CRPPA: variants seen among roughly 807,000 people sequenced by gnomAD.
CRPPA encodes CDP-L-ribitol pyrophosphorylase A, also known as D-ribitol-5-phosphate cytidylyltransferase.
A neutral mutation model predicts 52.0 loss-of-function variants in CRPPA; 43 were observed. That is an observed-to-expected ratio of 0.83 (90% CI 0.65 to 1.07). The LOEUF (loss-of-function observed/expected upper bound fraction) is 1.07, where lower values mean the gene tolerates loss of function less well. Ranked by LOEUF, CRPPA falls within the 50% of genes least tolerant of loss-of-function variation. The pLI is 0.00. For synonymous variants in CRPPA, 250 were observed against 203.5 expected, an observed-to-expected ratio of 1.23 and a Z score of -1.94; for missense variants, 629 against 551.7, an observed-to-expected ratio of 1.14 and a Z score of -1.40.
At chr7:16,266,736 C>A (rs1783964914) in intron 6 of CRPPA, among the ~76,000 whole-genome samples, 1 of 152,162 alleles carries the variant, frequency 6.6e-6, no homozygotes, top group Admixed American at 6.5e-5. Context: ...GCCTCGGCCT[C>A]CTAAAGTGCT....
chr7:16,393,347 A>C lies in CRPPA; in HGVS notation c.534+12714T>G, dbSNP rs1308303073. On this transcript the variant is annotated intron_variant, in intron 2 of 9. Coordinates refer to ENST00000407010, the MANE Select transcript of CRPPA (RefSeq NM_001101426.4). ...AGGGACTTGATCTAGCAGTATGAAAAGTTATTAGAGAGCTGTCTCAATAGT... is the reference window on the plus strand; with the variant it reads ...AGGGACTTGATCTAGCAGTATGAAACGTTATTAGAGAGCTGTCTCAATAGT... Among the ~76,000 whole-genome samples, 3 of 152,164 alleles carry C rather than the reference A, an allele frequency of 2.0e-5. No individual in the cohort carries two copies. The East Asian group carries it at 5.8e-4, about 29-fold the overall frequency.
At chr7:16,196,339 G>A (rs1273044639) in intron 9 of CRPPA, among the ~76,000 whole-genome samples, 2 of 152,050 alleles carry the variant, frequency 1.3e-5, no homozygotes, top group Non-Finnish European at 2.9e-5. Flanking sequence ...GTTTCTATAA[G>A]AGTTTATACA....
At chr7:16,122,586 A>G (rs1782499997) in intron 9 of CRPPA, among the ~76,000 whole-genome samples, 1 of 152,094 alleles carries the variant, frequency 6.6e-6, no homozygotes, top group Non-Finnish European at 1.5e-5. Flanking sequence ...ACTTGAACTG[A>G]GAAACCTATC....
chr7:16,371,861 G>GA (rs1786757603), intron 3 of CRPPA, among the ~76,000 whole-genome samples: 1 of 151,994 alleles, frequency 6.6e-6, no homozygotes, highest in South Asian at 2.1e-4. Context: ...ATATCATAAT[G>GA]AAAAAACAAT....
intron 8 of CRPPA, among the ~76,000 whole-genome samples, chr7:16,249,319 T>C (rs750059843): frequency 6.6e-6 from 1 of 152,034 alleles, no homozygotes; most frequent in Non-Finnish European, 1.5e-5. Flanking sequence ...AACTTAAACG[T>C]CCCCGCCTGA....
intron 2 of CRPPA, among the ~76,000 whole-genome samples, chr7:16,397,999 G>C (rs964598967): frequency 6.6e-6 from 1 of 152,220 alleles, no homozygotes; most frequent in Admixed American, 6.5e-5. Flanking sequence ...TAACCAACAT[G>C]TGACTGATGT....
At chr7:16,169,272 T>C (rs950028440) in intron 9 of CRPPA, among the ~76,000 whole-genome samples, 1 of 152,168 alleles carries the variant, frequency 6.6e-6, no homozygotes, top group Non-Finnish European at 1.5e-5. Flanking sequence ...AAAGTACATG[T>C]ACTACACTAA....
At chr7:16,153,756 T>C (rs1783121623) in intron 9 of CRPPA, among the ~76,000 whole-genome samples, 1 of 152,108 alleles carries the variant, frequency 6.6e-6, no homozygotes, top group African/African-American at 2.4e-5. Flanking sequence ...AGAAGGAAAC[T>C]AAACCTCTGT....
chr7:16,377,575 A>G (rs1264755371), intron 2 of CRPPA, among the ~76,000 whole-genome samples: 1 of 152,228 alleles, frequency 6.6e-6, no homozygotes, highest in Non-Finnish European at 1.5e-5. Flanking sequence ...GAACCATTAA[A>G]AGCCTCTGAA....
intron 9 of CRPPA, among the ~76,000 whole-genome samples, chr7:16,100,480 G>T (rs1218618156): frequency 6.6e-6 from 1 of 152,152 alleles, no homozygotes; most frequent in Admixed American, 6.6e-5. Context: ...AGAATAATTG[G>T]CTAATTAACT....
chr7:16,414,286 T>C (rs1426178511), intron 1 of CRPPA, among the ~76,000 whole-genome samples: 1 of 151,146 alleles, frequency 6.6e-6, no homozygotes, highest in Non-Finnish European at 1.5e-5. Context: ...TCTTAATCCC[T>C]TTTGCTGTAG....
At chr7:16,412,928 G>A (rs1788105939) in intron 1 of CRPPA, among the ~76,000 whole-genome samples, 1 of 152,076 alleles carries the variant, frequency 6.6e-6, no homozygotes, top group African/African-American at 2.4e-5. Context: ...AGGAATACTC[G>A]GCCCAGACAG....
intron 9 of CRPPA, among the ~76,000 whole-genome samples, chr7:16,173,116 C>G (rs774442979): frequency 1.3e-5 from 2 of 152,164 alleles, no homozygotes; most frequent in Non-Finnish European, 2.9e-5. Flanking sequence ...TAAGCATTAT[C>G]TGAGAATCTT....
chr7:16,291,227 T>C (rs946363135), intron 5 of CRPPA, among the ~76,000 whole-genome samples: 3 of 151,988 alleles, frequency 2.0e-5, no homozygotes, highest in South Asian at 2.1e-4. Context: ...TATGGAGATT[T>C]CTCAAAAAAC....
chr7:16,363,649 A>G (rs1424632992), intron 3 of CRPPA, among the ~76,000 whole-genome samples: 2 of 152,194 alleles, frequency 1.3e-5, no homozygotes, highest in Non-Finnish European at 2.9e-5. Context: ...CAAGCATTAT[A>G]CTTAAGAAAT....
chr7:16,342,493 T>C (rs976640653), intron 3 of CRPPA, among the ~76,000 whole-genome samples: 3 of 151,916 alleles, frequency 2.0e-5, no homozygotes, highest in Non-Finnish European at 2.9e-5. Context: ...ATATTTGTAT[T>C]TAGTACTGAA....
rs1048458931 is a variant in CRPPA at position 16,406,418 on chromosome 7, T to C, written c.258-81A>G. 45 of 1,216,178 alleles carry C rather than the reference T, an allele frequency of 3.7e-5. No individual in the cohort carries two copies. In the African/African-American group the frequency reaches 6.2e-4, roughly 17 times the overall value. 75.3% of individuals were successfully genotyped at this position (1,216,178 alleles called of 1,614,324 possible). On this transcript the variant is annotated intron_variant, in intron 1 of 9. Coordinates refer to ENST00000407010, the MANE Select transcript of CRPPA (RefSeq NM_001101426.4). ...GTAACAGAAAATTGAATCACTAGTATTGGTATATTTAAATAGGGAGATTAA... is the reference window on the plus strand; with the variant it reads ...GTAACAGAAAATTGAATCACTAGTACTGGTATATTTAAATAGGGAGATTAA...
intron 5 of CRPPA, among the ~76,000 whole-genome samples, chr7:16,286,081 A>AT (rs71007758): frequency 0.041 from 1,158 of 28,150 alleles, 132 homozygotes; most frequent in African/African-American, 0.089. Context: ...ATATATATAT[A>AT]ATATTTAAAA....
intron 9 of CRPPA, among the ~76,000 whole-genome samples, chr7:16,109,186 G>C (rs1164064972): frequency 6.6e-6 from 1 of 151,614 alleles, no homozygotes; most frequent in Non-Finnish European, 1.5e-5. Flanking sequence ...GGCAGAGTAA[G>C]AGAAAAGAGA....
Sources: gnomAD v4.1 joint callset for allele counts (sites outside exome capture counted in the v4.1 genomes callset) on GRCh38, gnomAD v4.1.1 for gene constraint, MANE v1.5 for transcripts, NCBI Gene and HGNC (gene_info 2026-07-23, HGNC 2026-07-21) for gene names.